PIGN: variants seen among roughly 807,000 people sequenced by gnomAD.
PIGN encodes the protein GPI ethanolamine phosphate transferase 1.
A neutral mutation model predicts 125.4 loss-of-function variants in PIGN; 117 were observed. The ratio of observed to expected loss-of-function variants is 0.93; its 90% CI spans 0.80 to 1.09. The LOEUF (loss-of-function observed/expected upper bound fraction) is 1.09. Among genes scored for constraint, PIGN ranks in the 50% least tolerant of loss-of-function variants. The probability of loss-of-function intolerance (pLI) is 0.00; values close to 1 mark genes in which losing one functional copy is unlikely to be tolerated. For synonymous variants in PIGN, 392 were observed against 377.8 expected (o/e 1.04, Z -0.44); for missense variants, 1,075 against 1,094.9 (o/e 0.98, Z 0.26).
chr18:62,085,113 G>GAA, intron 26 of PIGN, 96 bp downstream of exon 26: 1 of 727,720 alleles, frequency 1.4e-6, no homozygotes, highest in Non-Finnish European at 2.3e-6. Context: ...GTCTCAAAAA[G>GAA]AAAAAAAAAT....
chr18:62,051,202 G>A (rs1355274278), intron 30 of PIGN, among the ~76,000 whole-genome samples: 8 of 151,958 alleles, frequency 5.3e-5, no homozygotes, highest in Non-Finnish European at 8.8e-5. Flanking sequence ...GTATCAGGAT[G>A]ATGCTGGCCT....
intron 7 of PIGN, chr18:62,153,987 T>A (rs74892170): frequency 0.087 from 13,231 of 152,292 alleles, 699 homozygotes; most frequent in South Asian, 0.19. Context: ...TTTGAGAATA[T>A]AAATTATATC....
In PIGN at chr18:62,105,450, T is replaced by G. The variant is rs529861226; in HGVS notation, c.1859+93A>C. On this transcript the variant is annotated intron_variant, in intron 20 of 30. Coordinates refer to ENST00000640252, the MANE Select transcript of PIGN (RefSeq NM_176787.5). The stretch of plus-strand genomic sequence containing the variant: ...ATTCCCGTTAGTTCACATGATTTTA[T>G]ATTCTTGACCAAGATTAGGTTCAAA... 150 of 728,788 alleles carry G rather than the reference T, an allele frequency of 2.1e-4. 1 individual carries two copies. The South Asian group carries it at 2.4e-3, about 12-fold the overall frequency. The allele number at this position is 728,788 out of a possible 1,614,324, so 45.1% of individuals were successfully genotyped here.
rs1355624654 is a variant in PIGN, at chr18:62,047,321, G to T, written c.2673-1342C>A. ...CTGGTACTTCTGTCCATACCTGGAG[G>T]ATGTCAGTGGACATCACGTGGGGAG... is the stretch of plus-strand genomic sequence containing the variant. On this transcript the variant is annotated intron_variant, in intron 30 of 30. Transcript: ENST00000640252. Among the ~76,000 whole-genome samples the T allele has an allele frequency of 2.0e-5, 3 of 152,304 alleles. No individual in the cohort carries two copies. The East Asian group carries it at 5.8e-4, about 29-fold the overall frequency.
chr18:62,079,166 C>G (rs960986301), intron 28 of PIGN, among the ~76,000 whole-genome samples: 3 of 152,206 alleles, frequency 2.0e-5, no homozygotes, highest in Admixed American at 6.5e-5. Context: ...CTGAGTGAAC[C>G]ATAAAACTAT....
intron 16 of PIGN, among the ~76,000 whole-genome samples, chr18:62,111,998 G>A (rs12607624): frequency 0.3 from 45,529 of 151,968 alleles, 8,011 homozygotes; most frequent in East Asian, 0.59. Flanking sequence ...GCACTCTCTG[G>A]CCCACGACTG....
At chr18:62,124,670 G>A (rs1039818978) in intron 14 of PIGN, among the ~76,000 whole-genome samples, 1 of 152,104 alleles carries the variant, frequency 6.6e-6, no homozygotes, top group Admixed American at 6.6e-5. Flanking sequence ...CCTCTCTTTT[G>A]CTCTTTCCTG....
At chr18:62,113,025 C>A in intron 16 of PIGN, 109 bp downstream of exon 16, 15 of 752,514 alleles carry the variant, frequency 2.0e-5, no homozygotes, top group Non-Finnish European at 2.5e-5. Context: ...GAAAGATAAA[C>A]AAGAGTTAGC....
chr18:62,079,159 A>G lies in PIGN; in HGVS notation c.2576+3514T>C, dbSNP rs1222538040. Reference sequence around the variant, plus strand: ...TTGTATGTTTCACTCCCTCCACCTGAGTGAACCATAAAACTATGTGAGTAA... The same window carrying G: ...TTGTATGTTTCACTCCCTCCACCTGGGTGAACCATAAAACTATGTGAGTAA... On this transcript the variant is annotated intron_variant, in intron 28 of 30. Coordinates refer to ENST00000640252, the MANE Select transcript of PIGN (RefSeq NM_176787.5). 2.6e-5 allele frequency among the ~76,000 whole-genome samples: 4 copies of G among 152,324 alleles called. No individual in the cohort carries two copies. In the East Asian group the frequency reaches 7.7e-4, roughly 29 times the overall value.
At chr18:62,027,737 C>T (rs1336505908) in intron 23 of PIGN, among the ~76,000 whole-genome samples, 2 of 152,012 alleles carry the variant, frequency 1.3e-5, no homozygotes, top group African/African-American at 4.8e-5. Context: ...GATTTATTTT[C>T]CTTTCACAAT....
chr18:62,088,207 TC>T (rs2033797751), intron 25 of PIGN, among the ~76,000 whole-genome samples: 1 of 152,124 alleles, frequency 6.6e-6, no homozygotes, highest in Non-Finnish European at 1.5e-5. Flanking sequence ...AGGAAATACA[TC>T]CCTATGATTT....
intron 23 of PIGN, among the ~76,000 whole-genome samples, chr18:62,019,600 G>T (rs1214529481): frequency 2.0e-5 from 3 of 152,164 alleles, no homozygotes; most frequent in Non-Finnish European, 4.4e-5. Flanking sequence ...GGAGGCAAAA[G>T]GTGGACACTT....
At chr18:62,072,478 G>T in intron 30 of PIGN, 195 bp downstream of exon 30, 1 of 440,050 alleles carries the variant, frequency 2.3e-6, no homozygotes, top group Non-Finnish European at 4.1e-6. Flanking sequence ...ACAGTATTCA[G>T]TATGATAACA....
In PIGN at chr18:62,105,037, A is replaced by C. The variant is rs1599530046; in HGVS notation, c.1859+506T>G. On this transcript the variant is annotated intron_variant, in intron 20 of 30. Transcript: ENST00000640252. ...TGCAGAAGAATTTTCAAACAATTTG[A>C]GTGGTTAAACATGGGAAAGCTGGCA... is the stretch of plus-strand genomic sequence containing the variant. 2.6e-5 allele frequency: 4 copies of C among 152,364 alleles called. No individual in the cohort carries two copies. In the South Asian group the frequency reaches 8.3e-4, roughly 32 times the overall value. 9.4% of individuals were successfully genotyped at this position (152,364 alleles called of 1,614,324 possible).
chr18:62,133,856 G>A lies in PIGN; in HGVS notation c.1172+4387C>T, dbSNP rs80090973. ...TTTTAAAAATCAAACACTACACAAGGGCATAATAACTCTTTTTCATTTCTC... is the reference window on the plus strand; with the variant it reads ...TTTTAAAAATCAAACACTACACAAGAGCATAATAACTCTTTTTCATTTCTC... On this transcript the variant is annotated intron_variant, in intron 14 of 30. Transcript: ENST00000640252. Among the ~76,000 whole-genome samples, 824 of 152,044 alleles carry A rather than the reference G, an allele frequency of 5.4e-3. 27 individuals carry two copies. Among genetic ancestry groups the A allele is most frequent in the East Asian group, 2.1e-3 (11 of 5,188 alleles).
At chr18:62,130,325 G>C (rs1334481020) in intron 14 of PIGN, among the ~76,000 whole-genome samples, 3 of 152,128 alleles carry the variant, frequency 2.0e-5, no homozygotes, top group African/African-American at 7.2e-5. Context: ...ACAAGGAAAA[G>C]TGATGGTTTT....
chr18:62,041,105 G>A (rs1230974145), downstream of PIGN: 1 of 151,944 alleles, frequency 6.6e-6, no homozygotes, highest in Admixed American at 6.5e-5. Flanking sequence ...AAATAACAAA[G>A]CATTATAAAA....
At chr18:62,181,804 G>A (rs1017117442) in intron 1 of PIGN, among the ~76,000 whole-genome samples, 9 of 152,072 alleles carry the variant, frequency 5.9e-5, no homozygotes, top group Non-Finnish European at 1.0e-4. Context: ...TCGGCTCACT[G>A]CAACCTCCAC....
chr18:62,054,752 C>T (rs190072196), intron 30 of PIGN, among the ~76,000 whole-genome samples: 1 of 152,194 alleles, frequency 6.6e-6, no homozygotes, highest in Non-Finnish European at 1.5e-5. Flanking sequence ...TTGGCCCTCC[C>T]ACAGTGTTGG....
Sources: allele counts gnomAD v4.1 joint callset (sites outside exome capture counted in the v4.1 genomes callset), GRCh38; gene constraint gnomAD v4.1.1; transcripts MANE v1.5; gene names NCBI Gene and HGNC (gene_info 2026-07-23, HGNC 2026-07-21).